PLCL1: variants seen among roughly 807,000 people sequenced by gnomAD.
PLCL1 encodes the protein inactive phospholipase C-like protein 1.
In PLCL1, 41 loss-of-function variants were observed where a neutral mutation model predicts 84.4. The observed-to-expected ratio is 0.49, with a 90% CI of 0.38 to 0.63. The LOEUF (loss-of-function observed/expected upper bound fraction) is 0.63, where lower values mean the gene tolerates loss of function less well. Among genes scored for constraint, PLCL1 ranks in the 30% least tolerant of loss-of-function variants. PLCL1 has a pLI of 0.00. For synonymous variants in PLCL1, 490 were observed against 488.3 expected (o/e 1.00, Z -0.05); for missense variants, 1,206 against 1,367.8 (o/e 0.88, Z 1.87).
intron 5 of PLCL1, among the ~76,000 whole-genome samples, chr2:198,112,914 G>A (rs1039713119): frequency 1.3e-5 from 2 of 151,994 alleles, no homozygotes; most frequent in Non-Finnish European, 2.9e-5. Context: ...CAGGAAGAAG[G>A]TGGGTGGCAG....
intron 1 of PLCL1, among the ~76,000 whole-genome samples, chr2:197,821,295 A>G (rs1253891459): frequency 6.6e-6 from 1 of 152,170 alleles, no homozygotes; most frequent in East Asian, 1.9e-4. Context: ...TTTAGCTGAG[A>G]ATATTTATAC....
intron 1 of PLCL1, among the ~76,000 whole-genome samples, chr2:197,868,682 T>G (rs1388073889): frequency 6.6e-6 from 1 of 151,744 alleles, no homozygotes; most frequent in Non-Finnish European, 1.5e-5. Flanking sequence ...TTTTTTTTTT[T>G]TTTTAGTAGA....
chr2:197,874,899 A>G (rs1016488950), intron 1 of PLCL1, among the ~76,000 whole-genome samples: 1 of 152,182 alleles, frequency 6.6e-6, no homozygotes, highest in Admixed American at 6.5e-5. Context: ...AATACTATGC[A>G]GTGATGAAAA....
At chr2:198,023,191 G>A (rs145735729) in intron 1 of PLCL1, among the ~76,000 whole-genome samples, 2,967 of 152,268 alleles carry the variant, frequency 0.019, 54 homozygotes, top group Non-Finnish European at 0.029. Flanking sequence ...AAACTGGCTA[G>A]CCATATGCAG....
rs1694576996 is a variant in PLCL1 at position 198,148,367 on chromosome 2, T to C, written c.*1405T>C. The C allele has an allele frequency of 6.6e-6, 1 of 152,366 alleles. No individual in the cohort carries two copies. The highest frequency in any genetic ancestry group is 2.4e-5 in the African/African-American group (1 of 41,468). The allele number at this position is 152,366 out of a possible 1,614,324, so 9.4% of individuals were successfully genotyped here. A position where few individuals can be genotyped will look rare whatever the true frequency, so the allele number is the denominator to read the frequency against. ...TGACTTCTTAACACTATTATGTTTA[T>C]GTTGCACATTACTGAAAGAGTAAAG... On this transcript the variant is annotated 3_prime_UTR_variant, in exon 6 of 6. Coordinates refer to ENST00000428675, the MANE Select transcript of PLCL1 (RefSeq NM_006226.4).
chr2:197,889,582 T>C (rs1451473052), intron 1 of PLCL1, among the ~76,000 whole-genome samples: 1 of 152,196 alleles, frequency 6.6e-6, no homozygotes, highest in Non-Finnish European at 1.5e-5. Flanking sequence ...GAAGCAAATA[T>C]GTTCAAGTTT....
chr2:198,116,183 AG>A (rs1413046105), intron 5 of PLCL1, among the ~76,000 whole-genome samples: 4 of 151,630 alleles, frequency 2.6e-5, no homozygotes, highest in Non-Finnish European at 1.5e-5. Flanking sequence ...GCAGCAAAAA[AG>A]TTACCCTGGA....
chr2:197,826,321 A>AT (rs911802051), intron 1 of PLCL1, among the ~76,000 whole-genome samples: 2 of 152,168 alleles, frequency 1.3e-5, no homozygotes, highest in Non-Finnish European at 2.9e-5. Flanking sequence ...AATGAAAACA[A>AT]TGTTCTTTAG....
chr2:197,826,891 T>C (rs1403049752), intron 1 of PLCL1, among the ~76,000 whole-genome samples: 2 of 152,198 alleles, frequency 1.3e-5, no homozygotes, highest in Non-Finnish European at 2.9e-5. Context: ...TTCTCGTTTT[T>C]CATCTCATGA....
At position 198,099,986 on chromosome 2, in the gene PLCL1, A is replaced by G. The variant is rs1004228591; in HGVS notation, c.2920-1299A>G. On this transcript the variant is annotated intron_variant, in intron 3 of 5. Coordinates refer to ENST00000428675, the MANE Select transcript of PLCL1 (RefSeq NM_006226.4). ...TAAGAGCATACAAAATTACAGAAAA[A>G]TGAGGAAGCCTAGGAAAAATAAGAG... 1.1e-4 allele frequency among the ~76,000 whole-genome samples: 16 copies of G among 152,308 alleles called. 1 individual carries two copies. The highest frequency in any genetic ancestry group is 9.8e-4 in the Admixed American group (15 of 15,278).
chr2:198,005,222 A>C (rs1330431496), intron 1 of PLCL1, among the ~76,000 whole-genome samples: 1 of 152,234 alleles, frequency 6.6e-6, no homozygotes, highest in Non-Finnish European at 1.5e-5. Flanking sequence ...GCTAAGTGAT[A>C]GGGGCAGTGA....
chr2:197,837,844 A>T (rs942570525), intron 1 of PLCL1, among the ~76,000 whole-genome samples: 1 of 152,230 alleles, frequency 6.6e-6, no homozygotes, highest in African/African-American at 2.4e-5. Context: ...ATCCAGTTAG[A>T]ATATTATGCA....
chr2:197,841,064 A>G (rs956903713), intron 1 of PLCL1, among the ~76,000 whole-genome samples: 1 of 152,214 alleles, frequency 6.6e-6, no homozygotes, highest in Middle Eastern at 3.2e-3. Context: ...AAATTTGAGC[A>G]GAAAGTACAG....
chr2:198,083,374 G>C (rs1692768847), intron 1 of PLCL1, among the ~76,000 whole-genome samples: 2 of 152,162 alleles, frequency 1.3e-5, no homozygotes, highest in Admixed American at 6.5e-5. Flanking sequence ...GAAAGTTGCA[G>C]AGTATAAATG....
At chr2:198,138,256 T>C (rs1694304501) in intron 5 of PLCL1, among the ~76,000 whole-genome samples, 1 of 152,120 alleles carries the variant, frequency 6.6e-6, no homozygotes, top group South Asian at 2.1e-4. Flanking sequence ...CTTACAGTCA[T>C]GGCATAAGGC....
In PLCL1 at chr2:198,086,031, C is replaced by T. The variant is rs1273210081; in HGVS notation, c.2514C>T (p.His838=). The change falls in exon 2 of 6, where the codon CAC becomes CAT. Residue 838 remains histidine (H), a synonymous_variant. Coordinates refer to ENST00000428675, the MANE Select transcript of PLCL1 (RefSeq NM_006226.4). ...LRSFVGDIME[H]VTLFVHIAIT... ...CTTTTGTGGGTGACATCATGGAGCACGTAACCCTTTTTGTCCACATAGCAA... is the reference window on the plus strand; with the variant it reads ...CTTTTGTGGGTGACATCATGGAGCATGTAACCCTTTTTGTCCACATAGCAA... 6.8e-6 allele frequency: 11 copies of T among 1,613,972 alleles called. No homozygotes were observed. Among genetic ancestry groups the T allele is most frequent in the Middle Eastern group, 1.7e-4 (1 of 6,060 alleles).
At chr2:197,855,613 T>C (rs1687316809) in intron 1 of PLCL1, among the ~76,000 whole-genome samples, 1 of 152,162 alleles carries the variant, frequency 6.6e-6, no homozygotes, top group Non-Finnish European at 1.5e-5. Context: ...ATTTATCTGC[T>C]TCCATGTCTT....
intron 1 of PLCL1, among the ~76,000 whole-genome samples, chr2:197,947,358 T>C (rs1689300195): frequency 6.6e-6 from 1 of 151,894 alleles, no homozygotes; most frequent in Admixed American, 6.6e-5. Flanking sequence ...TGTTTGGCCC[T>C]GTCCCCAGAG....
At chr2:197,829,484 C>T (rs1691009058) in intron 1 of PLCL1, among the ~76,000 whole-genome samples, 1 of 151,996 alleles carries the variant, frequency 6.6e-6, no homozygotes, top group South Asian at 2.1e-4. Context: ...TATTAAAATC[C>T]ATTTTTAAAT....
Sources: allele counts gnomAD v4.1 joint callset (sites outside exome capture counted in the v4.1 genomes callset), GRCh38; gene constraint gnomAD v4.1.1; transcripts MANE v1.5; gene names NCBI Gene and HGNC (gene_info 2026-07-23, HGNC 2026-07-21).